SLC14A2: variants seen among roughly 807,000 people sequenced by gnomAD.
The protein encoded by SLC14A2 is solute carrier family 14 member 2, also known as urea transporter 2.
SLC14A2 carries 91 observed loss-of-function variants against 104.6 expected under a neutral mutation model. That is an observed-to-expected ratio of 0.87 (90% confidence interval 0.73 to 1.04). SLC14A2 has a LOEUF of 1.04. SLC14A2 is among the 50% of genes least tolerant of loss of function. The pLI, the probability that SLC14A2 is intolerant of heterozygous loss-of-function variation, is 0.00. For missense variants in SLC14A2, 1,189 were observed against 1,156.0 expected, an observed-to-expected ratio of 1.03 and a Z score of -0.41; for synonymous variants, 476 against 466.4, an observed-to-expected ratio of 1.02 and a Z score of -0.27.
chr18:45,550,425 G>T (rs1375817120), intron 2 of SLC14A2, among the ~76,000 whole-genome samples: 2 of 152,212 alleles, frequency 1.3e-5, no homozygotes, highest in Middle Eastern at 3.4e-3. Context: ...TGAGTTAATT[G>T]CTCCCTCATC....
intron 1 of SLC14A2, among the ~76,000 whole-genome samples, chr18:45,354,408 AC>A (rs1188412883): frequency 7.2e-5 from 11 of 152,170 alleles, no homozygotes; most frequent in Non-Finnish European, 1.3e-4. Context: ...GGTGGCTGTG[AC>A]CCATTCCTCC....
chr18:45,614,568 G>A (rs2045027980), upstream of SLC14A2, among the ~76,000 whole-genome samples: 1 of 152,232 alleles, frequency 6.6e-6, no homozygotes. Flanking sequence ...AAGCAGAGCT[G>A]CCTGAGTCTG....
At chr18:45,607,347 C>A (rs1195338150) in intron 2 of SLC14A2, among the ~76,000 whole-genome samples, 1 of 152,144 alleles carries the variant, frequency 6.6e-6, no homozygotes, top group Non-Finnish European at 1.5e-5. Flanking sequence ...TCTGTCATCC[C>A]ATTTTGTCAG....
chr18:45,538,006 C>T lies in SLC14A2; in HGVS notation c.-35+54684C>T, dbSNP rs1323290214. 4.6e-5 allele frequency among the ~76,000 whole-genome samples: 7 copies of T among 152,120 alleles called. No homozygotes were observed. The South Asian group carries it at 1.2e-3, about 27-fold the overall frequency. ...AATACATTACTCCCAGACTTAGAAACCTAAAGTAACACTCATTTGCTCACA... is the reference window on the plus strand; with the variant it reads ...AATACATTACTCCCAGACTTAGAAATCTAAAGTAACACTCATTTGCTCACA... On this transcript the variant is annotated intron_variant, in intron 2 of 20. Coordinates refer to the SLC14A2 transcript ENST00000586448.
chr18:45,554,777 G>C (rs1326309279), intron 2 of SLC14A2, among the ~76,000 whole-genome samples: 2 of 152,142 alleles, frequency 1.3e-5, no homozygotes. Flanking sequence ...GTGTTGACAA[G>C]AGAGGAGCAG....
intron 1 of SLC14A2, among the ~76,000 whole-genome samples, chr18:45,276,021 T>C (rs1165581686): frequency 6.6e-6 from 1 of 152,176 alleles, no homozygotes; most frequent in Admixed American, 6.5e-5. Context: ...AAAGACGAAA[T>C]GAGCCATGAC....
At position 45,477,832 on chromosome 18, in the gene SLC14A2, C is replaced by G. The variant is rs559202704; in HGVS notation, c.-124-5401C>G. ...CCTCAGTAATGGCGGATGCCCTTAC[C>G]CCAACCAACCTCGAGCATCCCAGGC... is the stretch of plus-strand genomic sequence containing the variant. On this transcript the variant is annotated intron_variant, in intron 1 of 20. Coordinates refer to the SLC14A2 transcript ENST00000586448. Among the ~76,000 whole-genome samples, 233 of 152,268 alleles carry G rather than the reference C, an allele frequency of 1.5e-3. 2 individuals carry two copies. The highest frequency in any genetic ancestry group is 5.3e-3 in the African/African-American group (219 of 41,550).
At chr18:45,413,253 T>A (rs2086233961) in intron 1 of SLC14A2, among the ~76,000 whole-genome samples, 1 of 152,126 alleles carries the variant, frequency 6.6e-6, no homozygotes, top group Admixed American at 6.6e-5. Context: ...TTAAGCAAAT[T>A]TGTTGCGGAG....
At chr18:45,537,754 G>A (rs2043817888) in intron 2 of SLC14A2, among the ~76,000 whole-genome samples, 2 of 152,166 alleles carry the variant, frequency 1.3e-5, no homozygotes, top group South Asian at 4.1e-4. Context: ...GATGGAAGCT[G>A]GTAGCAAGCA....
At chr18:45,320,360 C>G (rs1379217433) in intron 1 of SLC14A2, among the ~76,000 whole-genome samples, 1 of 152,156 alleles carries the variant, frequency 6.6e-6, no homozygotes, top group Admixed American at 6.5e-5. Context: ...AGGCTAACGA[C>G]TTTCATGTAG....
chr18:45,289,301 G>A (rs1041279412), intron 1 of SLC14A2, among the ~76,000 whole-genome samples: 1 of 151,966 alleles, frequency 6.6e-6, no homozygotes, highest in Non-Finnish European at 1.5e-5. Flanking sequence ...GGCAGTGAGG[G>A]GGCTGCTGAA....
At chr18:45,582,533 G>A (rs371817125) in intron 2 of SLC14A2, among the ~76,000 whole-genome samples, 5 of 152,008 alleles carry the variant, frequency 3.3e-5, no homozygotes, top group South Asian at 2.1e-4. Flanking sequence ...ATACCCCCAC[G>A]CTTAAAAGTT....
intron 1 of SLC14A2, among the ~76,000 whole-genome samples, chr18:45,254,647 A>G (rs1353267042): frequency 6.6e-6 from 1 of 151,886 alleles, no homozygotes; most frequent in Non-Finnish European, 1.5e-5. Flanking sequence ...CCTTGTCTCT[A>G]TGTTTGAGGA....
chr18:45,628,781 G>A (rs979452125), intron 4 of SLC14A2, among the ~76,000 whole-genome samples: 7 of 152,180 alleles, frequency 4.6e-5, no homozygotes, highest in Admixed American at 4.6e-4. Context: ...TGTTGGGGAT[G>A]TGTGCGTGGG....
At chr18:45,478,872 T>G (rs1347912019) in intron 1 of SLC14A2, among the ~76,000 whole-genome samples, 1 of 152,208 alleles carries the variant, frequency 6.6e-6, no homozygotes. Flanking sequence ...TAAATAGAAT[T>G]TTTAAGTGTT....
intron 2 of SLC14A2, among the ~76,000 whole-genome samples, chr18:45,523,453 C>T (rs1290199497): frequency 6.6e-6 from 1 of 151,280 alleles, no homozygotes; most frequent in Non-Finnish European, 1.5e-5. Context: ...CCTCAGCCTC[C>T]TGAGTAGCTG....
chr18:45,670,571 A>G (rs2046114667), intron 16 of SLC14A2, among the ~76,000 whole-genome samples: 1 of 152,176 alleles, frequency 6.6e-6, no homozygotes. Flanking sequence ...TTAGCTTTCC[A>G]CAGTAAGCAA....
chr18:45,499,610 C>T (rs183234059), intron 2 of SLC14A2, among the ~76,000 whole-genome samples: 11 of 152,316 alleles, frequency 7.2e-5, no homozygotes, highest in African/African-American at 2.4e-4. Flanking sequence ...ATTTGAAATA[C>T]TTTGCAAACT....
intron 1 of SLC14A2, among the ~76,000 whole-genome samples, chr18:45,366,986 A>T (rs1340903714): frequency 6.6e-6 from 1 of 152,230 alleles, no homozygotes; most frequent in Non-Finnish European, 1.5e-5. Flanking sequence ...CCTTACACAC[A>T]GAGACAGAAG....
Sources: allele counts gnomAD v4.1 joint callset (sites outside exome capture counted in the v4.1 genomes callset), GRCh38; gene constraint gnomAD v4.1.1; transcripts MANE v1.5; gene names NCBI Gene and HGNC (gene_info 2026-07-23, HGNC 2026-07-21).